Variants in ATRNL1 observed in about 807,000 individuals in gnomAD.
ATRNL1 encodes attractin-like protein 1.
A neutral mutation model predicts 182.7 loss-of-function variants in ATRNL1; 95 were observed. The ratio of observed to expected loss-of-function variants is 0.52; its 90% CI spans 0.44 to 0.62. The LOEUF is 0.62. Ranked by LOEUF, ATRNL1 falls within the 20% of genes least tolerant of loss-of-function variation. The pLI, the probability that ATRNL1 is intolerant of heterozygous loss-of-function variation, is 0.00. For synonymous variants in ATRNL1, 576 were observed against 568.3 expected, an observed-to-expected ratio of 1.01 and a Z score of -0.19; for missense variants, 1,471 against 1,679.5, an observed-to-expected ratio of 0.88 and a Z score of 2.17.
At chr10:115,457,860 C>T (rs146856580) in intron 21 of ATRNL1, among the ~76,000 whole-genome samples, 3 of 151,890 alleles carry the variant, frequency 2.0e-5, no homozygotes, top group Non-Finnish European at 4.4e-5. Flanking sequence ...GCAATTTTTC[C>T]TTTTCTAATA....
intron 26 of ATRNL1, among the ~76,000 whole-genome samples, chr10:115,578,501 T>G (rs1409564207): frequency 7.9e-5 from 12 of 151,634 alleles, no homozygotes; most frequent in African/African-American, 2.9e-4. Flanking sequence ...TTCCAGGAAT[T>G]TATTTCCTCT....
At chr10:115,887,749 C>T (rs1383171630) in intron 28 of ATRNL1, among the ~76,000 whole-genome samples, 1 of 151,752 alleles carries the variant, frequency 6.6e-6, no homozygotes, top group Non-Finnish European at 1.5e-5. Context: ...TCATGCAAAC[C>T]AGAAACCTTC....
chr10:115,808,936 T>C (rs1949983467), intron 27 of ATRNL1, among the ~76,000 whole-genome samples: 3 of 152,180 alleles, frequency 2.0e-5, no homozygotes, highest in Admixed American at 1.3e-4. Flanking sequence ...AAGGATTTTC[T>C]TATGCTTCCT....
At chr10:115,728,885 C>A (rs1396616310) in intron 27 of ATRNL1, among the ~76,000 whole-genome samples, 5 of 152,154 alleles carry the variant, frequency 3.3e-5, no homozygotes, top group Non-Finnish European at 7.4e-5. Flanking sequence ...GCTCTAATTT[C>A]ATTTTGGTTC....
At chr10:115,183,644 T>C (rs1255107946) in intron 8 of ATRNL1, among the ~76,000 whole-genome samples, 2 of 151,466 alleles carry the variant, frequency 1.3e-5, no homozygotes, top group African/African-American at 4.8e-5. Context: ...CCAGTAAATA[T>C]AAAAAATTTG....
At chr10:115,706,479 G>A (rs1321009160) in intron 26 of ATRNL1, among the ~76,000 whole-genome samples, 1 of 151,664 alleles carries the variant, frequency 6.6e-6, no homozygotes, top group Admixed American at 6.6e-5. Flanking sequence ...GAGATTTTTT[G>A]GGGGTGGGCA....
At chr10:115,226,418 T>G (rs1293880733) in intron 9 of ATRNL1, among the ~76,000 whole-genome samples, 1 of 151,980 alleles carries the variant, frequency 6.6e-6, no homozygotes, top group African/African-American at 2.4e-5. Flanking sequence ...TATATTTATA[T>G]GTCTAAAAAG....
intron 27 of ATRNL1, among the ~76,000 whole-genome samples, chr10:115,814,201 C>G (rs1192794191): frequency 6.6e-6 from 1 of 152,042 alleles, no homozygotes; most frequent in Non-Finnish European, 1.5e-5. Context: ...ATTTAGGGAG[C>G]AAATATGAAA....
chr10:115,623,462 A>G (rs1857903118), intron 26 of ATRNL1, among the ~76,000 whole-genome samples: 1 of 152,210 alleles, frequency 6.6e-6, no homozygotes, highest in African/African-American at 2.4e-5. Flanking sequence ...GTTACTTACC[A>G]AAACTTCTGA....
intron 25 of ATRNL1, among the ~76,000 whole-genome samples, chr10:115,535,221 T>C (rs1851896310): frequency 6.6e-6 from 1 of 152,156 alleles, no homozygotes; most frequent in South Asian, 2.1e-4. Flanking sequence ...TTGGCTCCAT[T>C]CTCCCCGTCA....
chr10:115,103,578 C>T (rs1843874109), intron 1 of ATRNL1, among the ~76,000 whole-genome samples: 1 of 151,984 alleles, frequency 6.6e-6, no homozygotes, highest in African/African-American at 2.4e-5. Context: ...GCCTAATAAC[C>T]ACATCAGGGT....
intron 8 of ATRNL1, among the ~76,000 whole-genome samples, chr10:115,200,495 G>T (rs1202286810): frequency 6.7e-6 from 1 of 149,076 alleles, no homozygotes; most frequent in African/African-American, 2.5e-5. Context: ...TTTTGTCCTT[G>T]TGATAGTTTA....
At chr10:115,508,591 A>G (rs1850231739) in intron 24 of ATRNL1, among the ~76,000 whole-genome samples, 1 of 152,044 alleles carries the variant, frequency 6.6e-6, no homozygotes, top group African/African-American at 2.4e-5. Flanking sequence ...AGCCTTTTTA[A>G]TGATATGGAG....
chr10:115,440,130 T>C (rs975540152), intron 21 of ATRNL1, among the ~76,000 whole-genome samples: 3 of 151,840 alleles, frequency 2.0e-5, no homozygotes, highest in Admixed American at 1.3e-4. Context: ...CCCCCTCAAT[T>C]TGGCTTCTGT....
intron 5 of ATRNL1, among the ~76,000 whole-genome samples, chr10:115,154,784 T>G (rs1846422427): frequency 6.6e-6 from 1 of 152,130 alleles, no homozygotes; most frequent in Non-Finnish European, 1.5e-5. Flanking sequence ...AGTAGGGTGT[T>G]GAAGTCCCCA....
intron 26 of ATRNL1, among the ~76,000 whole-genome samples, chr10:115,550,097 A>C (rs1308288270): frequency 6.6e-6 from 1 of 151,868 alleles, no homozygotes. Context: ...AAACAATAAT[A>C]TTCTTACAAA....
chr10:115,102,571 G>C (rs1206845888), intron 1 of ATRNL1, among the ~76,000 whole-genome samples: 1 of 152,092 alleles, frequency 6.6e-6, no homozygotes, highest in African/African-American at 2.4e-5. Context: ...AGCCTCTTGA[G>C]CAGCTGGGAT....
intron 26 of ATRNL1, among the ~76,000 whole-genome samples, chr10:115,612,674 G>A (rs1487847657): frequency 6.6e-6 from 1 of 152,200 alleles, no homozygotes; most frequent in African/African-American, 2.4e-5. Flanking sequence ...GTAACAAGAT[G>A]CAGTTTGAAA....
intron 28 of ATRNL1, among the ~76,000 whole-genome samples, chr10:115,897,148 C>T (rs193092742): frequency 8.6e-5 from 13 of 151,830 alleles, no homozygotes; most frequent in Non-Finnish European, 1.2e-4. Flanking sequence ...TACATACATC[C>T]CAAAGAAAGA....
Sources: gnomAD v4.1 joint callset for allele counts (sites outside exome capture counted in the v4.1 genomes callset) on GRCh38, gnomAD v4.1.1 for gene constraint, MANE v1.5 for transcripts, NCBI Gene and HGNC (gene_info 2026-07-23, HGNC 2026-07-21) for gene names.